RBMS3: variants seen among roughly 807,000 people sequenced by gnomAD.
RBMS3 encodes RNA-binding motif, single-stranded-interacting protein 3.
A neutral mutation model predicts 66.8 loss-of-function variants in RBMS3; 27 were observed. The observed-to-expected ratio is 0.40, with a 90% CI of 0.30 to 0.56. The LOEUF (loss-of-function observed/expected upper bound fraction) is 0.56, where lower values mean the gene tolerates loss of function less well. Among genes scored for constraint, RBMS3 ranks in the 20% least tolerant of loss-of-function variants. RBMS3 has a pLI of 0.40. For missense variants in RBMS3, 513 were observed against 549.5 expected (o/e 0.93, Z 0.66); for synonymous variants, 188 against 183.0 (o/e 1.03, Z -0.22).
chr3:29,625,260 C>T (rs1239487070), intron 4 of RBMS3, among the ~76,000 whole-genome samples: 2 of 152,062 alleles, frequency 1.3e-5, no homozygotes, highest in East Asian at 1.9e-4. Context: ...TAAAATTCTC[C>T]GTACTCAAGC....
intron 2 of RBMS3, among the ~76,000 whole-genome samples, chr3:29,446,906 C>CT (rs11293530): frequency 0.3 from 20,677 of 69,266 alleles, 2,708 homozygotes; most frequent in South Asian, 0.43. Context: ...ATTAAGCAGT[C>CT]TTTTTTTTTT....
chr3:29,807,762 C>A (rs895546453), intron 6 of RBMS3, among the ~76,000 whole-genome samples: 3 of 150,164 alleles, frequency 2.0e-5, no homozygotes, highest in Non-Finnish European at 4.5e-5. Context: ...AATAAAATAC[C>A]AAAAAAATAA....
At chr3:29,890,180 C>A (rs1378135587) in intron 8 of RBMS3, among the ~76,000 whole-genome samples, 1 of 151,596 alleles carries the variant, frequency 6.6e-6, no homozygotes, top group African/African-American at 2.4e-5. Flanking sequence ...TATATGGTAA[C>A]ATTCCCAGTA....
At chr3:29,288,849 A>G (rs1295318622) in intron 1 of RBMS3, among the ~76,000 whole-genome samples, 2 of 151,962 alleles carry the variant, frequency 1.3e-5, no homozygotes, top group Non-Finnish European at 2.9e-5. Flanking sequence ...CCTCAGCTAT[A>G]CTGTAGTATT....
intron 1 of RBMS3, among the ~76,000 whole-genome samples, chr3:29,339,567 G>A (rs57683323): frequency 0.24 from 36,302 of 150,152 alleles, 4,444 homozygotes; most frequent in African/African-American, 0.26. Context: ...TTAGATCTCA[G>A]GTAGACTTTA....
At chr3:29,992,111 A>G (rs1222178248) in intron 14 of RBMS3, among the ~76,000 whole-genome samples, 1 of 152,200 alleles carries the variant, frequency 6.6e-6, no homozygotes, top group South Asian at 2.1e-4. Context: ...GTAGATAGCA[A>G]TAAAATCCCT....
At chr3:29,900,499 C>T (rs1410797128) in intron 10 of RBMS3, among the ~76,000 whole-genome samples, 1 of 151,630 alleles carries the variant, frequency 6.6e-6, no homozygotes, top group Non-Finnish European at 1.5e-5. Context: ...CTAATGATTG[C>T]ATTTATCTTT....
chr3:29,336,906 A>T (rs2035988358), intron 1 of RBMS3, among the ~76,000 whole-genome samples: 1 of 152,136 alleles, frequency 6.6e-6, no homozygotes, highest in African/African-American at 2.4e-5. Context: ...AATTAAGTCA[A>T]ATTCCATGTA....
chr3:29,641,349 C>A (rs1163135159), intron 4 of RBMS3, among the ~76,000 whole-genome samples: 1 of 151,958 alleles, frequency 6.6e-6, no homozygotes, highest in African/African-American at 2.4e-5. Flanking sequence ...TGTTTCCAAA[C>A]CACCAGTATT....
chr3:29,865,047 GGGAAGGAA>G (rs367736059), intron 6 of RBMS3, among the ~76,000 whole-genome samples: 2,116 of 128,010 alleles, frequency 0.017, 30 homozygotes, highest in Non-Finnish European at 0.026. Context: ...GGAGGAAGGA[GGGAAGGAA>G]GGAAGGAAGA....
intron 6 of RBMS3, among the ~76,000 whole-genome samples, chr3:29,859,875 T>C (rs1034651128): frequency 6.6e-6 from 1 of 152,092 alleles, no homozygotes; most frequent in Non-Finnish European, 1.5e-5. Context: ...TACACACATA[T>C]GCATGGGGGC....
chr3:29,407,683 G>C (rs756139491), intron 1 of RBMS3, among the ~76,000 whole-genome samples: 3 of 151,998 alleles, frequency 2.0e-5, no homozygotes, highest in Non-Finnish European at 4.4e-5. Flanking sequence ...ATTGAGTTAG[G>C]CTTGAGCATT....
intron 1 of RBMS3, among the ~76,000 whole-genome samples, chr3:29,398,983 C>T (rs566251325): frequency 8.0e-4 from 121 of 152,140 alleles, no homozygotes; most frequent in Non-Finnish European, 1.4e-3. Context: ...CACTTAGTAG[C>T]TCTCCTCAGC....
chr3:29,558,760 T>C (rs2046441308), intron 3 of RBMS3, among the ~76,000 whole-genome samples: 1 of 152,212 alleles, frequency 6.6e-6, no homozygotes, highest in Admixed American at 6.5e-5. Flanking sequence ...TATGCTGGGC[T>C]CTACCCTGCA....
intron 6 of RBMS3, among the ~76,000 whole-genome samples, chr3:29,764,592 T>C (rs2055845430): frequency 6.6e-6 from 1 of 152,024 alleles, no homozygotes; most frequent in Non-Finnish European, 1.5e-5. Context: ...TTATGAATGA[T>C]TCAAGTTTTA....
At chr3:29,805,301 T>G (rs536320337) in intron 6 of RBMS3, among the ~76,000 whole-genome samples, 1 of 152,098 alleles carries the variant, frequency 6.6e-6, no homozygotes, top group Non-Finnish European at 1.5e-5. Context: ...AATACAATTA[T>G]GTACAGTCCA....
At position 29,798,173 on chromosome 3, in the gene RBMS3, T is replaced by C. The variant is rs368898230; in HGVS notation, c.637+35184T>C. On this transcript the variant is annotated intron_variant, in intron 6 of 14. Transcript: ENST00000383767. ...AAAGAATATAGATCATAGATTACCA[T>C]CACAGATAAAATAATAATAAAGCTT... Among the ~76,000 whole-genome samples, 36 of 148,004 alleles carry C rather than the reference T, an allele frequency of 2.4e-4. 2 individuals are homozygous for C. Among genetic ancestry groups the C allele is most frequent in the African/African-American group, 7.8e-4 (31 of 39,792 alleles).
intron 11 of RBMS3, among the ~76,000 whole-genome samples, chr3:29,940,280 A>G (rs1040138531): frequency 9.2e-5 from 14 of 151,858 alleles, no homozygotes; most frequent in African/African-American, 3.4e-4. Flanking sequence ...ATCTAAAACT[A>G]TCTGACGTCT....
At chr3:29,957,845 C>T (rs1696146894) in intron 12 of RBMS3, among the ~76,000 whole-genome samples, 2 of 152,204 alleles carry the variant, frequency 1.3e-5, no homozygotes, top group Non-Finnish European at 2.9e-5. Context: ...GTCCCAATGA[C>T]ATCGCATCTT....
Sources: allele counts gnomAD v4.1 joint callset (sites outside exome capture counted in the v4.1 genomes callset), GRCh38; gene constraint gnomAD v4.1.1; transcripts MANE v1.5; gene names NCBI Gene and HGNC (gene_info 2026-07-23, HGNC 2026-07-21).